TTN: variants seen among roughly 807,000 people sequenced by gnomAD.
TTN encodes titin, also known as connectin.
In TTN, 1,525 loss-of-function variants were observed where a neutral mutation model predicts 3,223.0. The observed-to-expected ratio is 0.47, with a 90% CI of 0.45 to 0.49. The LOEUF (loss-of-function observed/expected upper bound fraction) is 0.49. Among genes scored for constraint, TTN ranks in the 20% least tolerant of loss-of-function variants. The pLI is 0.00. For synonymous variants in TTN, 14,094 were observed against 15,161.0 expected (o/e 0.93, Z 5.17); for missense variants, 40,786 against 43,424.0 (o/e 0.94, Z 5.40).
In TTN at chr2:178,690,909, CACAA is replaced by C. The variant is rs141915905; in HGVS notation, c.31763-1017_31763-1014del. On this transcript the variant is annotated intron_variant, in intron 121 of 362. Coordinates refer to ENST00000589042, the MANE Select transcript of TTN (RefSeq NM_001267550.2). The stretch of plus-strand genomic sequence containing the variant: ...TTTGCTGAAAACGAATTAGTGATTA[CACAA>C]ACAGTCAAGAATGTTCAGATAGTAT... 3.8e-3 allele frequency among the ~76,000 whole-genome samples: 584 copies of C among 152,204 alleles called. 27 individuals are homozygous for C. The East Asian group carries it at 0.093, about 24-fold the overall frequency.
chr2:178,690,672 C>G (rs1158629307), intron 121 of TTN, among the ~76,000 whole-genome samples: 3 of 152,070 alleles, frequency 2.0e-5, no homozygotes, highest in Non-Finnish European at 4.4e-5. Flanking sequence ...ATTTTAAATA[C>G]AATATTGGCA....
In TTN at chr2:178,651,933, C is replaced by A. The variant is rs2063060667; in HGVS notation, c.39330G>T (p.Glu13110Asp). 1 of 1,610,060 alleles carries A rather than the reference C, an allele frequency of 6.2e-7. No individual in the cohort carries two copies. The highest frequency in any genetic ancestry group is 8.5e-7 in the Non-Finnish European group (1 of 1,178,158). ...GCTCTTCCACAACTTCAGCAGGAGG[C>A]TCTTCTAGGGCAACTTCCTCAGGCT... Reference protein sequence around the residue: ...FEEPEEVALEEPPAEVVEEPE... With the variant: ...FEEPEEVALEDPPAEVVEEPE... Residue 13110 changes from glutamate to aspartate, a missense_variant, in exon 205 of 363, where the codon GAG becomes GAT. Transcript: ENST00000589042.
chr2:178,769,602 T>G (rs2091142930), intron 37 of TTN, 77 bp downstream of exon 37: 2 of 1,285,090 alleles, frequency 1.6e-6, no homozygotes, highest in Non-Finnish European at 2.1e-6. Context: ...GTGTAGGATA[T>G]AGAATATCAA....
At position 178,641,757 on chromosome 2, in the gene TTN, T is replaced by G. The variant is rs1403702528; in HGVS notation, c.40559-442A>C. Among the ~76,000 whole-genome samples the G allele has an allele frequency of 2.0e-5, 3 of 151,898 alleles. No individual in the cohort carries two copies. The East Asian group carries it at 5.8e-4, about 29-fold the overall frequency. ...ACAATGTTAGAACTTAATTCTTCATTTGACTATCTTGTTTCTCATTCTTTA... is the reference window on the plus strand; with the variant it reads ...ACAATGTTAGAACTTAATTCTTCATGTGACTATCTTGTTTCTCATTCTTTA... On this transcript the variant is annotated intron_variant, in intron 219 of 362. Coordinates refer to ENST00000589042, the MANE Select transcript of TTN (RefSeq NM_001267550.2).
Position 178,577,390 on chromosome 2 carries a change from G to A in TTN, c.68945C>T (p.Ser22982Phe), listed in dbSNP as rs372665902. The change falls in exon 324 of 363, where the codon TCC becomes TTC. Residue 22982 changes from serine (S) to phenylalanine (F), a missense_variant. Ser to Phe is a radical substitution (Grantham distance 155). Transcript: ENST00000589042. The stretch of plus-strand genomic sequence containing the variant: ...TGGTCTAATGTCTTTTCCTGCCTTG[G>A]ACCAACTTGATTTTGGAAGGGGTTT... Reference protein sequence around the residue: ...LGKPLPKSSWSKAGKDIRPSD... With the variant: ...LGKPLPKSSWFKAGKDIRPSD... 1.5e-5 allele frequency: 24 copies of A among 1,612,378 alleles called. No homozygotes were observed. Among genetic ancestry groups the A allele is most frequent in the Non-Finnish European group, 2.0e-5 (23 of 1,179,452 alleles).
Position 178,610,227 on chromosome 2 carries a change from C to T in TTN, c.51299G>A (p.Gly17100Asp). 6.2e-7 allele frequency: 1 copy of T among 1,613,016 alleles called. No individual in the cohort carries two copies. The highest frequency in any genetic ancestry group is 8.5e-7 in the Non-Finnish European group (1 of 1,179,294). The change falls in exon 271 of 363, where the codon GGT (glycine) becomes GAT (aspartate). Residue 17100 changes from glycine (G) to aspartate (D), a missense_variant. By Grantham distance (94) the Gly-to-Asp change is moderately conservative (BLOSUM62 -1). Coordinates refer to ENST00000589042, the MANE Select transcript of TTN (RefSeq NM_001267550.2). ...CACAGTCCATGACAGTTTGTTCTCA[C>T]CAGACATGACTGGTATATATGTTCT... ...GRRTYIPVMS[G>D]ENKLSWTVKD...
chr2:178,537,282 G>A, intron 355 of TTN, 39 bp from the exon 356 acceptor site: 1 of 1,535,662 alleles, frequency 6.5e-7, no homozygotes, highest in Non-Finnish European at 8.7e-7. Flanking sequence ...TTTTCATAGT[G>A]TGTTTTTGAG....
chr2:178,734,660 G>A (rs773714810), intron 51 of TTN, 47 bp downstream of exon 51: 7 of 1,568,250 alleles, frequency 4.5e-6, no homozygotes, highest in Non-Finnish European at 3.5e-6. Context: ...AATTAAAAGG[G>A]AAATCTTTTC....
intron 278 of TTN, 22 bp downstream of exon 278, chr2:178,606,999 A>C: frequency 1.9e-6 from 3 of 1,594,884 alleles, no homozygotes; most frequent in Non-Finnish European, 2.6e-6. Context: ...CTCTATAAAC[A>C]CAATGAAACC....
In TTN at chr2:178,706,911, A is replaced by G; in HGVS notation, c.29085T>C (p.Asp9695=). 1.2e-6 allele frequency: 2 copies of G among 1,612,502 alleles called. No homozygotes were observed. The highest frequency in any genetic ancestry group is 2.7e-5 in the African/African-American group (2 of 75,050). Residue 9695 remains aspartate, a synonymous_variant, in exon 101 of 363, where the codon GAT becomes GAC. Transcript: ENST00000589042. ...VAPATKKAAV[D]GRLFFVSEPQ... ...GTTCTGACACAAAAAAGAGTCTTCC[A>G]TCTACCGCAGCTTTCTTGGTTGCTG...
Position 178,732,422 on chromosome 2 carries a change from C to T in TTN, c.16621+18G>A. The T allele has an allele frequency of 6.3e-7, 1 of 1,588,954 alleles. No homozygotes were observed. The highest frequency in any genetic ancestry group is 8.6e-7 in the Non-Finnish European group (1 of 1,167,022). On this transcript the variant is annotated intron_variant, in intron 56 of 362. Transcript: ENST00000589042. ...TATAACAAGGTTAGCACAAAGATGTCAAGAAAACAATGCAAACCTTTTACA... is the reference window on the plus strand; with the variant it reads ...TATAACAAGGTTAGCACAAAGATGTTAAGAAAACAATGCAAACCTTTTACA...
At chr2:178,670,048 C>T (rs2066697873) in intron 157 of TTN, among the ~76,000 whole-genome samples, 170 bp downstream of exon 157, 1 of 151,854 alleles carries the variant, frequency 6.6e-6, no homozygotes, top group African/African-American at 2.4e-5. Context: ...GGGCTTATGT[C>T]TTTACGCCTA....
chr2:178,804,946 C>G (rs183645767), intron 1 of TTN, among the ~76,000 whole-genome samples: 1 of 152,266 alleles, frequency 6.6e-6, no homozygotes. Context: ...AATATACAGT[C>G]TTACCAATGG....
At position 178,606,934 on chromosome 2, in the gene TTN, T is replaced by A; in HGVS notation, c.53581+87A>T. The A allele has an allele frequency of 4.1e-6, 6 of 1,445,846 alleles. No individual in the cohort carries two copies. In the South Asian group the frequency reaches 6.8e-5, roughly 16 times the overall value. 89.6% of individuals were successfully genotyped at this position (1,445,846 alleles called of 1,614,324 possible). On this transcript the variant is annotated intron_variant, in intron 278 of 362. Coordinates refer to ENST00000589042, the MANE Select transcript of TTN (RefSeq NM_001267550.2). Reference sequence around the variant, plus strand: ...CTTTAGCTATAGATTTTGAGACTGTTGGGAGTTTGAAGCCATAAAGCTCAG... The same window carrying A: ...CTTTAGCTATAGATTTTGAGACTGTAGGGAGTTTGAAGCCATAAAGCTCAG...
chr2:178,585,818 C>G (rs181387580), intron 308 of TTN, among the ~76,000 whole-genome samples: 3 of 152,160 alleles, frequency 2.0e-5, no homozygotes, highest in Admixed American at 1.3e-4. Flanking sequence ...TGTGGTGCCA[C>G]ATTTTCTTTA....
In TTN at chr2:178,692,584, TAAAAG is replaced by T. The variant is rs1400724462; in HGVS notation, c.31595-9_31595-5del. On this transcript the variant is annotated splice_region_variant and splice_polypyrimidine_tract_variant and intron_variant, in intron 119 of 362. Coordinates refer to ENST00000589042, the MANE Select transcript of TTN (RefSeq NM_001267550.2). ...GGTTTCTCAGGTAGCTCAGGGACTT[TAAAAG>T]AAAAGTGCCATTTTTGAGAAAGTGT... 1 of 1,521,876 alleles carries T rather than the reference TAAAAG, an allele frequency of 6.6e-7. No individual in the cohort carries two copies. Among genetic ancestry groups the T allele is most frequent in the South Asian group, 1.3e-5 (1 of 76,292 alleles). 94.3% of individuals were successfully genotyped at this position (1,521,876 alleles called of 1,614,324 possible).
chr2:178,610,818 G>T (rs1033022724), intron 270 of TTN, among the ~76,000 whole-genome samples, 175 bp downstream of exon 270: 1 of 151,904 alleles, frequency 6.6e-6, no homozygotes, highest in African/African-American at 2.4e-5. Context: ...AGCGTTTAGC[G>T]ATTTCATCTC....
chr2:178,743,634 A>G (rs2082899323), intron 47 of TTN, among the ~76,000 whole-genome samples: 1 of 151,916 alleles, frequency 6.6e-6, no homozygotes, highest in Admixed American at 6.6e-5. Flanking sequence ...TCTTTTTTTA[A>G]GAAACAAGGT....
rs903505453 is a variant in TTN at position 178,528,411 on chromosome 2, T to C, written c.107240A>G (p.Asn35747Ser). Reference sequence around the variant, plus strand: ...ATTTCTGGAGCGGCTTATGCTGACATTTGAAGAAATAGAAATCTAAGACAA... The same window carrying C: ...ATTTCTGGAGCGGCTTATGCTGACACTTGAAGAAATAGAAATCTAAGACAA... ...KNNLPISISS[N>S]VSISRSRNVY... Residue 35747 changes from asparagine (N) to serine (S), a missense_variant, in exon 361 of 363, where the codon AAT (asparagine) becomes AGT (serine). Asn to Ser is a conservative substitution (Grantham distance 46). Coordinates refer to ENST00000589042, the MANE Select transcript of TTN (RefSeq NM_001267550.2). 5 of 1,613,176 alleles carry C rather than the reference T, an allele frequency of 3.1e-6. No individual in the cohort carries two copies. Among genetic ancestry groups the C allele is most frequent in the African/African-American group, 1.3e-5 (1 of 74,900 alleles).
Sources: allele counts gnomAD v4.1 joint callset (sites outside exome capture counted in the v4.1 genomes callset), GRCh38; gene constraint gnomAD v4.1.1; transcripts MANE v1.5; gene names NCBI Gene and HGNC (gene_info 2026-07-23, HGNC 2026-07-21).